SIPA1L3: variants seen among roughly 807,000 people sequenced by gnomAD.
SIPA1L3 encodes the protein signal-induced proliferation-associated 1-like protein 3.
In SIPA1L3, 59 loss-of-function variants were observed where a neutral mutation model predicts 150.1. The ratio of observed to expected loss-of-function variants is 0.39; its 90% CI spans 0.32 to 0.49. The LOEUF (loss-of-function observed/expected upper bound fraction) is 0.49. Ranked by LOEUF, SIPA1L3 falls within the 20% of genes least tolerant of loss-of-function variation. The probability of loss-of-function intolerance (pLI) is 0.86; values close to 1 mark genes in which losing one functional copy is unlikely to be tolerated. For synonymous variants in SIPA1L3, 1,070 were observed against 1,077.6 expected (o/e 0.99, Z 0.14); for missense variants, 2,211 against 2,489.5 (o/e 0.89, Z 2.38).
intron 1 of SIPA1L3, among the ~76,000 whole-genome samples, chr19:37,998,595 A>C (rs1254179774): frequency 1.3e-5 from 2 of 152,172 alleles, no homozygotes; most frequent in South Asian, 2.1e-4. Context: ...CAGCCTGCGC[A>C]ACATAGCAAG....
rs144723170 is a variant in SIPA1L3, at chr19:37,992,893, G to A, written c.-378-36196G>A. On this transcript the variant is annotated intron_variant, in intron 1 of 21. Coordinates refer to ENST00000222345, the MANE Select transcript of SIPA1L3 (RefSeq NM_015073.3). ...GGGAGGCTCCATTCAGGTCGCCTAC[G>A]TGCTGGCTCTGTGGTCAGTTGTGCA... Among the ~76,000 whole-genome samples the A allele has an allele frequency of 9.1e-4, 139 of 152,274 alleles. 1 individual carries two copies. The highest frequency in any genetic ancestry group is 3.1e-3 in the African/African-American group (127 of 41,546).
intron 21 of SIPA1L3, among the ~76,000 whole-genome samples, chr19:38,205,598 C>T (rs901582035): frequency 6.6e-6 from 1 of 152,148 alleles, no homozygotes; most frequent in Non-Finnish European, 1.5e-5. Context: ...CTGACCCCCG[C>T]CCCACTGCAT....
At chr19:38,119,903 A>G in intron 9 of SIPA1L3, 21 bp downstream of exon 9, 6 of 1,552,276 alleles carry the variant, frequency 3.9e-6, no homozygotes, top group Non-Finnish European at 5.2e-6. Context: ...GAGCCCGGCG[A>G]TAGGGCGGCG....
chr19:38,142,677 C>T lies in SIPA1L3; in HGVS notation c.3500C>T (p.Ala1167Val), dbSNP rs200318191. 2.1e-5 allele frequency: 34 copies of T among 1,614,048 alleles called. No homozygotes were observed. The East Asian group carries it at 7.4e-4, about 35-fold the overall frequency. The change falls in exon 12 of 22, where the codon GCC (alanine) becomes GTC (valine). Residue 1167 changes from alanine (A) to valine (V), a missense_variant. By Grantham distance (64) the Ala-to-Val change is moderately conservative. Around this residue, in one of 5 missense-constraint regions of SIPA1L3, gnomAD observed 806 missense variants for 870.1 expected, o/e 0.93. Coordinates refer to ENST00000222345, the MANE Select transcript of SIPA1L3 (RefSeq NM_015073.3). ...PSGSFSTPGS[A>V]TYVRYKPSPE... ...GGGAGCTTCTCCACCCCCGGTTCGG[C>T]CACCTACGTGAGATACAAGCCATCC...
intron 2 of SIPA1L3, among the ~76,000 whole-genome samples, chr19:38,065,953 G>T (rs1326192677): frequency 1.9e-5 from 1 of 53,622 alleles, no homozygotes; most frequent in African/African-American, 9.4e-5. Flanking sequence ...TTATTTTTGA[G>T]GCAACGTCTT....
chr19:38,142,123 G>A (rs1011232529), intron 11 of SIPA1L3, among the ~76,000 whole-genome samples: 2 of 152,154 alleles, frequency 1.3e-5, no homozygotes, highest in Non-Finnish European at 2.9e-5. Flanking sequence ...TTCTAGTCCT[G>A]GGGTTGGCTG....
At chr19:38,023,447 C>T (rs1329263011) in intron 1 of SIPA1L3, among the ~76,000 whole-genome samples, 2 of 152,156 alleles carry the variant, frequency 1.3e-5, no homozygotes, top group African/African-American at 4.8e-5. Flanking sequence ...CTGTTGAGGG[C>T]CTAGATTTTC....
chr19:38,154,175 C>T (rs1173836946), intron 13 of SIPA1L3, among the ~76,000 whole-genome samples: 3 of 152,194 alleles, frequency 2.0e-5, no homozygotes, highest in Non-Finnish European at 2.9e-5. Flanking sequence ...GTTTCTGTCA[C>T]TCAGTGTTAC....
chr19:38,104,406 C>T (rs1017551731), intron 6 of SIPA1L3, among the ~76,000 whole-genome samples: 7 of 152,156 alleles, frequency 4.6e-5, no homozygotes, highest in Admixed American at 1.3e-4. Flanking sequence ...GTGAGGGTTC[C>T]GTGGGTCAGC....
chr19:37,942,053 G>A (rs2046664032), intron 1 of SIPA1L3, among the ~76,000 whole-genome samples: 3 of 152,160 alleles, frequency 2.0e-5, no homozygotes, highest in Admixed American at 1.3e-4. Flanking sequence ...CCTCCTGGGG[G>A]CAGAAGATTT....
chr19:38,142,453 A>G (rs902942137), intron 11 of SIPA1L3, 120 bp from the exon 12 acceptor site: 54 of 1,160,160 alleles, frequency 4.7e-5, no homozygotes, highest in Admixed American at 7.0e-5. Context: ...GGCGGGGGAA[A>G]GTTCGGTTGG....
At position 38,045,445 on chromosome 19, in the gene SIPA1L3, GA is replaced by G. The variant is rs1242281515; in HGVS notation, c.-311+16293del. The stretch of plus-strand genomic sequence containing the variant: ...TTAACTGTGGCAATGAAACTATAAA[GA>G]AAAGGTACACAGCCACTCGAGAGGC... On this transcript the variant is annotated intron_variant, in intron 2 of 21. Coordinates refer to ENST00000222345, the MANE Select transcript of SIPA1L3 (RefSeq NM_015073.3). 2.0e-5 allele frequency among the ~76,000 whole-genome samples: 3 copies of G among 151,336 alleles called. No individual in the cohort carries two copies. The East Asian group carries it at 5.8e-4, about 29-fold the overall frequency.
intron 6 of SIPA1L3, 21 bp from the exon 7 acceptor site, chr19:38,106,516 T>C: frequency 9.7e-6 from 15 of 1,540,296 alleles, no homozygotes; most frequent in Non-Finnish European, 1.3e-5. Flanking sequence ...AACATGGTCC[T>C]AACTGGCATT....
intron 2 of SIPA1L3, among the ~76,000 whole-genome samples, chr19:38,065,745 G>A (rs530948217): frequency 6.6e-6 from 1 of 152,044 alleles, no homozygotes; most frequent in Non-Finnish European, 1.5e-5. Flanking sequence ...CATGCTTGGC[G>A]TGCAGTGAGC....
chr19:38,042,514 G>A lies in SIPA1L3; in HGVS notation c.-311+13358G>A, dbSNP rs564140550. On this transcript the variant is annotated intron_variant, in intron 2 of 21. Coordinates refer to ENST00000222345, the MANE Select transcript of SIPA1L3 (RefSeq NM_015073.3). ...ATCACACTTGGAATTGTGAATACTT[G>A]GGAATACTTAACAAGTCTCCTATAG... Among the ~76,000 whole-genome samples, 4 of 152,166 alleles carry A rather than the reference G, an allele frequency of 2.6e-5. No individual in the cohort carries two copies. In the East Asian group the frequency reaches 7.7e-4, roughly 29 times the overall value.
chr19:38,134,349 T>TAGGA (rs914651449), intron 10 of SIPA1L3, among the ~76,000 whole-genome samples: 2 of 135,468 alleles, frequency 1.5e-5, no homozygotes, highest in African/African-American at 5.6e-5. Flanking sequence ...CAGGGTGAGA[T>TAGGA]AGGAGGTTGA....
In SIPA1L3 at chr19:38,082,910, G is replaced by A. The variant is rs370319919; in HGVS notation, c.1345G>A (p.Val449Met). Reference sequence around the variant, plus strand: ...CAACGTGAGCTTCTCCCGGGCTTCCGTGGGCTCCCCGAGCAGCGGCGAGGG... The same window carrying A: ...CAACGTGAGCTTCTCCCGGGCTTCCATGGGCTCCCCGAGCAGCGGCGAGGG... ...ERNVSFSRAS[V>M]GSPSSGEGHL... is the part of the protein sequence containing the mutation. The change falls in exon 3 of 22, where the codon GTG becomes ATG. Residue 449 changes from valine to methionine, a missense_variant. Val to Met is a conservative substitution (Grantham distance 21). Around this residue, in one of 5 missense-constraint regions of SIPA1L3, gnomAD observed 587 missense variants for 534.5 expected, o/e 1.10. Transcript: ENST00000222345. 26 of 1,613,074 alleles carry A rather than the reference G, an allele frequency of 1.6e-5. No individual in the cohort carries two copies. Among genetic ancestry groups the A allele is most frequent in the Admixed American group, 8.3e-5 (5 of 59,998 alleles).
intron 10 of SIPA1L3, among the ~76,000 whole-genome samples, chr19:38,136,514 G>T (rs1971440599): frequency 6.6e-6 from 1 of 152,154 alleles, no homozygotes; most frequent in African/African-American, 2.4e-5. Context: ...TGAGGCAGGA[G>T]AATCACTTGA....
At chr19:38,092,096 G>C (rs1489058185) in intron 4 of SIPA1L3, among the ~76,000 whole-genome samples, 2 of 151,088 alleles carry the variant, frequency 1.3e-5, no homozygotes, top group East Asian at 3.9e-4. Context: ...ACAATATATA[G>C]GCAGGCATGG....
Sources: gnomAD v4.1 joint callset for allele counts (sites outside exome capture counted in the v4.1 genomes callset) on GRCh38, gnomAD v4.1.1 for gene constraint, gnomAD v4.1.1 regional missense constraint, MANE v1.5 for transcripts, NCBI Gene and HGNC (gene_info 2026-07-23, HGNC 2026-07-21) for gene names.